SLC30A6: variants seen among roughly 807,000 people sequenced by gnomAD.
The protein encoded by SLC30A6 is zinc transporter 6.
SLC30A6 carries 55 observed loss-of-function variants against 63.0 expected under a neutral mutation model. That is an observed-to-expected ratio of 0.87 (90% CI 0.70 to 1.09). The LOEUF is 1.09. Among genes scored for constraint, SLC30A6 ranks in the 50% least tolerant of loss-of-function variants. SLC30A6 has a pLI of 0.00. For synonymous variants in SLC30A6, 224 were observed against 186.1 expected (o/e 1.20, Z -1.66); for missense variants, 587 against 549.2 (o/e 1.07, Z -0.69).
chr2:32,171,408 C>T (rs543490397), intron 2 of SLC30A6, 35 bp downstream of exon 2: 30 of 1,484,778 alleles, frequency 2.0e-5, no homozygotes, highest in Middle Eastern at 1.7e-4. Flanking sequence ...TTAATTATTG[C>T]ACAAACAACA....
chr2:32,220,155 G>T, intron 13 of SLC30A6, 58 bp from the exon 14 acceptor site: 1 of 1,518,992 alleles, frequency 6.6e-7, no homozygotes, highest in Non-Finnish European at 8.8e-7. Context: ...TTTATCTAAT[G>T]AATTTTTTGT....
chr2:32,195,697 ATATTTATT>A (rs1161048794), intron 8 of SLC30A6, among the ~76,000 whole-genome samples: 4 of 148,740 alleles, frequency 2.7e-5, no homozygotes, highest in Non-Finnish European at 4.5e-5. Flanking sequence ...ATATTATATT[ATATTTATT>A]TATTTATTTA....
intron 4 of SLC30A6, among the ~76,000 whole-genome samples, chr2:32,180,023 T>C (rs1264860867): frequency 6.6e-6 from 1 of 152,052 alleles, no homozygotes; most frequent in Non-Finnish European, 1.5e-5. Context: ...TTTGGGAGGC[T>C]GAGGCAGGAG....
chr2:32,195,402 T>G (rs1683699219), intron 8 of SLC30A6, among the ~76,000 whole-genome samples: 1 of 152,144 alleles, frequency 6.6e-6, no homozygotes, highest in South Asian at 2.1e-4. Context: ...GTCTTCAGTA[T>G]TGCTTCTCAT....
At chr2:32,203,218 C>A in intron 10 of SLC30A6, 2 of 1,088,370 alleles carry the variant, frequency 1.8e-6, no homozygotes, top group Non-Finnish European at 2.9e-6. Flanking sequence ...GAGTCTATAT[C>A]CATCGTTCTG....
At chr2:32,174,530 C>G (rs570986586) in intron 3 of SLC30A6, among the ~76,000 whole-genome samples, 55 of 132,634 alleles carry the variant, frequency 4.1e-4, no homozygotes, top group African/African-American at 1.4e-3. Context: ...TTTGAAAAAT[C>G]ATTAAATCTA....
rs1052330629 is a variant in SLC30A6, at chr2:32,206,604, G to A, written c.769-282G>A. Among the ~76,000 whole-genome samples the A allele has an allele frequency of 1.2e-4, 19 of 152,080 alleles. 1 individual carries two copies. Among genetic ancestry groups the A allele is most frequent in the Non-Finnish European group, 2.4e-4 (16 of 68,030 alleles). On this transcript the variant is annotated intron_variant, in intron 11 of 13. Transcript: ENST00000282587. Reference sequence around the variant, plus strand: ...TAGTGCTATGCCCTATACAAAATACGACCTTTGTAACCATTTCCCAAAGAT... The same window carrying A: ...TAGTGCTATGCCCTATACAAAATACAACCTTTGTAACCATTTCCCAAAGAT...
chr2:32,218,577 G>T (rs995355970), intron 13 of SLC30A6, among the ~76,000 whole-genome samples: 3 of 139,454 alleles, frequency 2.2e-5, no homozygotes, highest in South Asian at 5.1e-4. Context: ...TTTGTTTTGT[G>T]ACAGAGTCTT....
At chr2:32,183,657 C>T (rs1320696836) in intron 4 of SLC30A6, among the ~76,000 whole-genome samples, 3 of 143,450 alleles carry the variant, frequency 2.1e-5, no homozygotes, top group Non-Finnish European at 4.5e-5. Context: ...TACTGCACTC[C>T]AGCCTGGGCA....
Position 32,224,377 on chromosome 2 carries a change from T to C in SLC30A6, c.*3664T>C. 2.4e-6 allele frequency: 2 copies of C among 848,486 alleles called. No individual in the cohort carries two copies. Among genetic ancestry groups the C allele is most frequent in the South Asian group, 1.9e-5 (1 of 53,138 alleles). 52.6% of individuals were successfully genotyped at this position (848,486 alleles called of 1,614,324 possible). A position where few individuals can be genotyped will look rare whatever the true frequency, so the allele number is the denominator to read the frequency against. On this transcript the variant is annotated 3_prime_UTR_variant, in exon 14 of 14. Transcript: ENST00000282587. ...TCAAATTAAACTTCTTTCCACGTCC[T>C]TATCTTCTTTGGCATCCTTTTGCAA... is the stretch of plus-strand genomic sequence containing the variant.
chr2:32,211,760 G>A (rs1206114406), intron 13 of SLC30A6, among the ~76,000 whole-genome samples: 1 of 152,068 alleles, frequency 6.6e-6, no homozygotes, highest in East Asian at 1.9e-4. Context: ...TGGGATTACA[G>A]GCACGCACCA....
Position 32,220,920 on chromosome 2 carries a change from A to G in SLC30A6, c.*207A>G. On this transcript the variant is annotated 3_prime_UTR_variant, in exon 14 of 14. Transcript: ENST00000282587. ...CTCGTAAATGTTAAAGGCTTTAAAT[A>G]GGCTTCCTTTAGAAAATGTGTTTCT... The G allele has an allele frequency of 1.9e-6, 1 of 526,134 alleles. No homozygotes were observed. Among genetic ancestry groups the G allele is most frequent in the Non-Finnish European group, 3.3e-6 (1 of 304,922 alleles). The allele number at this position is 526,134 out of a possible 1,614,324, so 32.6% of individuals were successfully genotyped here. A position where few individuals can be genotyped will look rare whatever the true frequency, so the allele number is the denominator to read the frequency against.
chr2:32,173,022 A>T (rs945574228), intron 2 of SLC30A6, among the ~76,000 whole-genome samples: 1 of 152,234 alleles, frequency 6.6e-6, no homozygotes, highest in African/African-American at 2.4e-5. Context: ...CTTGTTGCCT[A>T]CTGAAAGATG....
At chr2:32,198,613 C>T (rs1488015605) in intron 10 of SLC30A6, among the ~76,000 whole-genome samples, 1 of 152,108 alleles carries the variant, frequency 6.6e-6, no homozygotes, top group African/African-American at 2.4e-5. Context: ...GATGGAGTTT[C>T]GCTCTTGGTG....
At chr2:32,170,711 G>A (rs896815209) in intron 1 of SLC30A6, among the ~76,000 whole-genome samples, 3 of 152,146 alleles carry the variant, frequency 2.0e-5, no homozygotes, top group Non-Finnish European at 4.4e-5. Context: ...AGATTCTCAC[G>A]CCTCAGCCTC....
In SLC30A6 at chr2:32,174,106, C is replaced by G. The variant is rs769766775; in HGVS notation, c.134C>G (p.Thr45Ser). 6.2e-7 allele frequency: 1 copy of G among 1,613,748 alleles called. No individual in the cohort carries two copies. Among genetic ancestry groups the G allele is most frequent in the South Asian group, 1.1e-5 (1 of 91,064 alleles). Residue 45 changes from threonine (T) to serine (S), a missense_variant, in exon 3 of 14, where the codon ACT (threonine) becomes AGT (serine). Thr to Ser is a moderately conservative substitution (Grantham distance 58). Coordinates refer to ENST00000282587, the MANE Select transcript of SLC30A6 (RefSeq NM_017964.5). ...TTTGGTGTAATAAACTTGATATGTA[C>G]TGGCTTCCTGCTTATGTGGTGCAGT... ...LLFGVINLIC[T>S]GFLLMWCSST... is the part of the protein sequence containing the mutation.
At chr2:32,219,050 C>T (rs1685940380) in intron 13 of SLC30A6, among the ~76,000 whole-genome samples, 1 of 152,090 alleles carries the variant, frequency 6.6e-6, no homozygotes, top group Non-Finnish European at 1.5e-5. Context: ...ATTTTTCTTT[C>T]TTCCTTCTTC....
chr2:32,210,515 C>CA (rs3040860), intron 13 of SLC30A6, among the ~76,000 whole-genome samples: 5,135 of 88,620 alleles, frequency 0.058, 186 homozygotes, highest in East Asian at 0.087. Context: ...ACTCTGTCTC[C>CA]AAAAAAAAAA....
Position 32,176,550 on chromosome 2 carries a change from C to T in SLC30A6, c.218+1189C>T, listed in dbSNP as rs998868354. On this transcript the variant is annotated intron_variant, in intron 4 of 13. Transcript: ENST00000282587. ...GTGGGCATCTGTAGTCCCAGCTACT[C>T]GGGAGGCTGAGGCAGGACAATTGCT... 6.0e-5 allele frequency among the ~76,000 whole-genome samples: 9 copies of T among 150,180 alleles called. No individual in the cohort carries two copies. The East Asian group carries it at 1.0e-3, about 17-fold the overall frequency.
Sources: allele counts gnomAD v4.1 joint callset (sites outside exome capture counted in the v4.1 genomes callset), GRCh38; gene constraint gnomAD v4.1.1; transcripts MANE v1.5; gene names NCBI Gene and HGNC (gene_info 2026-07-23, HGNC 2026-07-21).